The following JAKMIP2 variants were observed in gnomAD, a reference collection of about 807,000 sequenced individuals.
The protein encoded by JAKMIP2 is janus kinase and microtubule-interacting protein 2.
In JAKMIP2, 25 loss-of-function variants were observed where a neutral mutation model predicts 115.0. The ratio of observed to expected loss-of-function variants is 0.22; its 90% CI spans 0.16 to 0.30. The LOEUF is 0.30. Ranked by LOEUF, JAKMIP2 falls within the 10% of genes least tolerant of loss-of-function variation. The pLI, the probability that JAKMIP2 is intolerant of heterozygous loss-of-function variation, is 1.00. For synonymous variants in JAKMIP2, 334 were observed against 343.6 expected (o/e 0.97, Z 0.31); for missense variants, 642 against 957.6 (o/e 0.67, Z 4.35).
In JAKMIP2 at chr5:147,589,989, C is replaced by T. The variant is rs1166440591; in HGVS notation, c.*1718G>A. On this transcript the variant is annotated 3_prime_UTR_variant, in exon 22 of 22. Transcript: ENST00000616793. ...AAAACTTTATGAAAAAGCATTTTAA[C>T]CCCATTTTGCAGATGAGGAAACTGA... The T allele has an allele frequency of 2.0e-5, 3 of 152,182 alleles. No homozygotes were observed. The highest frequency in any genetic ancestry group is 4.4e-5 in the Non-Finnish European group (3 of 68,036). The allele number at this position is 152,182 out of a possible 1,614,324, so 9.4% of individuals were successfully genotyped here. A position where few individuals can be genotyped will look rare whatever the true frequency, so the allele number is the denominator to read the frequency against.
intron 1 of JAKMIP2, among the ~76,000 whole-genome samples, chr5:147,715,153 G>A (rs936706029): frequency 1.3e-5 from 2 of 151,978 alleles, no homozygotes; most frequent in Admixed American, 6.6e-5. Context: ...ACAAAGATTA[G>A]TCTATAACTT....
chr5:147,702,631 A>G lies in JAKMIP2; in HGVS notation c.-148-30677T>C, dbSNP rs182436802. Among the ~76,000 whole-genome samples the G allele has an allele frequency of 4.9e-3, 623 of 127,444 alleles. 12 individuals are homozygous for G. Among genetic ancestry groups the G allele is most frequent in the African/African-American group, 0.011 (319 of 30,002 alleles). 83.6% of individuals were successfully genotyped at this position (127,444 alleles called of 152,430 possible). On this transcript the variant is annotated intron_variant, in intron 1 of 21. Coordinates refer to ENST00000616793, the MANE Select transcript of JAKMIP2 (RefSeq NM_001270941.2). ...AAGAAAGAAAGAAAGAAAGAAAGAA[A>G]GAAAGAAAGAAAGAAAGAAAGAAAG... is the stretch of plus-strand genomic sequence containing the variant.
Position 147,631,327 on chromosome 5 carries a change from G to A in JAKMIP2, c.1875+86C>T, listed in dbSNP as rs570188367. ...AAATGATGACATCCAGTGACTGAAAGACAAAATAGTCGTAAGTAACCTCCC... is the reference window on the plus strand; with the variant it reads ...AAATGATGACATCCAGTGACTGAAAAACAAAATAGTCGTAAGTAACCTCCC... On this transcript the variant is annotated intron_variant, in intron 14 of 21. Transcript: ENST00000616793. 10 of 735,458 alleles carry A rather than the reference G, an allele frequency of 1.4e-5. No individual in the cohort carries two copies. In the African/African-American group the frequency reaches 1.8e-4, roughly 13 times the overall value. The allele number at this position is 735,458 out of a possible 1,614,324, so 45.6% of individuals were successfully genotyped here. A position where few individuals can be genotyped will look rare whatever the true frequency, so the allele number is the denominator to read the frequency against.
intron 1 of JAKMIP2, among the ~76,000 whole-genome samples, chr5:147,777,820 C>A (rs1180782841): frequency 6.6e-6 from 1 of 151,248 alleles, no homozygotes; most frequent in East Asian, 1.9e-4. Flanking sequence ...AATACTTACA[C>A]CAGTATGTGC....
chr5:147,702,616 GAAA>G (rs1752396364), intron 1 of JAKMIP2, among the ~76,000 whole-genome samples: 1 of 59,608 alleles, frequency 1.7e-5, no homozygotes, highest in Non-Finnish European at 3.5e-5. Context: ...AAGAAAGAAA[GAAA>G]GAAAGAAAGA....
chr5:147,608,423 C>T (rs186595698), intron 20 of JAKMIP2, among the ~76,000 whole-genome samples: 12 of 152,224 alleles, frequency 7.9e-5, no homozygotes, highest in Non-Finnish European at 1.3e-4. Context: ...GCCTTAATTT[C>T]GTTATTTACC....
chr5:147,606,153 G>GT (rs140339776), intron 20 of JAKMIP2, among the ~76,000 whole-genome samples: 236 of 151,932 alleles, frequency 1.6e-3, no homozygotes, highest in African/African-American at 5.3e-3. Flanking sequence ...TCTGATGATA[G>GT]TTTTTTTTGC....
chr5:147,763,114 A>C (rs1270752437), intron 1 of JAKMIP2, among the ~76,000 whole-genome samples: 2 of 152,120 alleles, frequency 1.3e-5, no homozygotes. Context: ...CCAGTTCCAA[A>C]CACCAGACCA....
intron 1 of JAKMIP2, among the ~76,000 whole-genome samples, chr5:147,699,953 A>C (rs751334865): frequency 1.1e-4 from 16 of 152,244 alleles, no homozygotes; most frequent in East Asian, 1.9e-4. Flanking sequence ...GTCATCCTTC[A>C]TGGTGGTGTG....
chr5:147,646,986 AT>A (rs1758165696), intron 5 of JAKMIP2, among the ~76,000 whole-genome samples: 1 of 151,952 alleles, frequency 6.6e-6, no homozygotes, highest in Non-Finnish European at 1.5e-5. Flanking sequence ...GAATTGAAAA[AT>A]TTTAAACAAG....
At chr5:147,729,087 GA>G (rs1216274618) in intron 1 of JAKMIP2, among the ~76,000 whole-genome samples, 3 of 152,174 alleles carry the variant, frequency 2.0e-5, no homozygotes, top group African/African-American at 4.8e-5. Flanking sequence ...GTGTGTAAGG[GA>G]GAAGGGAAGG....
intron 16 of JAKMIP2, among the ~76,000 whole-genome samples, chr5:147,625,398 G>A (rs1243853331): frequency 6.6e-6 from 1 of 152,122 alleles, no homozygotes; most frequent in Non-Finnish European, 1.5e-5. Context: ...TGGCTGTGGG[G>A]AACATGGTGA....
intron 1 of JAKMIP2, among the ~76,000 whole-genome samples, chr5:147,774,375 T>G (rs1755476193): frequency 6.6e-6 from 1 of 152,194 alleles, no homozygotes; most frequent in South Asian, 2.1e-4. Flanking sequence ...CTGTTGCCAA[T>G]GTCAATTAGC....
intron 20 of JAKMIP2, among the ~76,000 whole-genome samples, chr5:147,604,362 G>C (rs148991101): frequency 6.6e-6 from 1 of 152,160 alleles, no homozygotes; most frequent in Admixed American, 6.5e-5. Flanking sequence ...GACCTCATTT[G>C]TTCCTCATGG....
intron 1 of JAKMIP2, among the ~76,000 whole-genome samples, chr5:147,688,723 G>T (rs1043576264): frequency 1.3e-5 from 2 of 152,286 alleles, no homozygotes; most frequent in African/African-American, 4.8e-5. Flanking sequence ...GGTGGCAAAA[G>T]ATACATGGAA....
At chr5:147,593,442 G>T (rs577486095) in intron 21 of JAKMIP2, among the ~76,000 whole-genome samples, 21 of 152,322 alleles carry the variant, frequency 1.4e-4, no homozygotes, top group African/African-American at 5.1e-4. Flanking sequence ...CTGAGAGGGA[G>T]AATCCTTTTC....
chr5:147,746,420 G>A lies in JAKMIP2; in HGVS notation c.-149+36036C>T, dbSNP rs10074235. ...ATTTTCTGTGGCCAATTGCCCTTCT[G>A]GGACTTTAGGTTCCCTTATGCATTA... On this transcript the variant is annotated intron_variant, in intron 1 of 21. Transcript: ENST00000616793. Among the ~76,000 whole-genome samples, 1,228 of 151,976 alleles carry A rather than the reference G, an allele frequency of 8.1e-3. 11 individuals carry two copies. The highest frequency in any genetic ancestry group is 0.027 in the African/African-American group (1,134 of 41,456).
In JAKMIP2 at chr5:147,587,849, G is replaced by A. The variant is rs1368843545; in HGVS notation, c.*3858C>T. 2 of 151,546 alleles carry A rather than the reference G, an allele frequency of 1.3e-5. No individual in the cohort carries two copies. Among genetic ancestry groups the A allele is most frequent in the Non-Finnish European group, 1.5e-5 (1 of 67,978 alleles). The allele number at this position is 151,546 out of a possible 1,614,324, so 9.4% of individuals were successfully genotyped here. ...CCTATTACTAGTGGAGAACACATTT[G>A]CTCTCTACCTAAGTGATAACCCAGG... is the stretch of plus-strand genomic sequence containing the variant. On this transcript the variant is annotated 3_prime_UTR_variant, in exon 22 of 22. Coordinates refer to ENST00000616793, the MANE Select transcript of JAKMIP2 (RefSeq NM_001270941.2).
At chr5:147,658,253 TCAAA>T (rs916358771) in intron 3 of JAKMIP2, among the ~76,000 whole-genome samples, 7 of 152,174 alleles carry the variant, frequency 4.6e-5, no homozygotes, top group African/African-American at 1.4e-4. Flanking sequence ...TAGTTTTTCT[TCAAA>T]CAGTCAGGCC....
Sources: allele counts gnomAD v4.1 joint callset (sites outside exome capture counted in the v4.1 genomes callset), GRCh38; gene constraint gnomAD v4.1.1; transcripts MANE v1.5; gene names NCBI Gene and HGNC (gene_info 2026-07-23, HGNC 2026-07-21).